Variants in UBE2E3 observed in about 807,000 individuals in gnomAD.
UBE2E3 encodes the protein ubiquitin-conjugating enzyme E2 E3.
Under a neutral mutation model 23.6 loss-of-function variants are expected in UBE2E3, and 5 were observed. The ratio of observed to expected loss-of-function variants is 0.21; its 90% confidence interval spans 0.11 to 0.44. The LOEUF (loss-of-function observed/expected upper bound fraction) is 0.44. Among genes scored for constraint, UBE2E3 ranks in the 20% least tolerant of loss-of-function variants. The pLI is 0.99. For missense variants in UBE2E3, 81 were observed against 249.8 expected, an observed-to-expected ratio of 0.32 and a Z score of 4.55; for synonymous variants, 78 against 87.5, an observed-to-expected ratio of 0.89 and a Z score of 0.60.
chr2:180,985,751 A>G (rs1456994517), intron 3 of UBE2E3, among the ~76,000 whole-genome samples: 1 of 152,158 alleles, frequency 6.6e-6, no homozygotes, highest in Non-Finnish European at 1.5e-5. Flanking sequence ...CTATCAATTC[A>G]GAACTCTTAA....
chr2:181,017,866 C>T (rs983590978), intron 3 of UBE2E3, among the ~76,000 whole-genome samples: 2 of 150,498 alleles, frequency 1.3e-5, no homozygotes, highest in Admixed American at 6.6e-5. Context: ...GAGTGATTGA[C>T]GAGGGCCCTG....
At chr2:181,006,557 A>G (rs6717911) in intron 3 of UBE2E3, among the ~76,000 whole-genome samples, 2,731 of 152,204 alleles carry the variant, frequency 0.018, 68 homozygotes, top group African/African-American at 0.062. Flanking sequence ...TGCATGTTAA[A>G]TATTAGGAAC....
At chr2:181,042,411 C>G (rs1433362287) in intron 3 of UBE2E3, among the ~76,000 whole-genome samples, 1 of 152,152 alleles carries the variant, frequency 6.6e-6, no homozygotes, top group African/African-American at 2.4e-5. Flanking sequence ...GCAATCTGTA[C>G]TAGAGTTCAA....
intron 3 of UBE2E3, among the ~76,000 whole-genome samples, chr2:181,021,978 C>G (rs1380256766): frequency 6.6e-6 from 1 of 151,974 alleles, no homozygotes; most frequent in Admixed American, 6.6e-5. Flanking sequence ...CACTTTTTTA[C>G]TGTTAAGGGT....
At chr2:181,042,068 C>T (rs1431711702) in intron 3 of UBE2E3, among the ~76,000 whole-genome samples, 13 of 152,204 alleles carry the variant, frequency 8.5e-5, no homozygotes, top group Admixed American at 7.9e-4. Context: ...TAACTAAACT[C>T]CTGGCTTTAT....
intron 3 of UBE2E3, among the ~76,000 whole-genome samples, chr2:181,005,354 C>T (rs1369359022): frequency 6.6e-6 from 1 of 152,178 alleles, no homozygotes; most frequent in Non-Finnish European, 1.5e-5. Context: ...TAATGCATTT[C>T]ATTAACTCCA....
intron 3 of UBE2E3, among the ~76,000 whole-genome samples, chr2:181,026,535 C>G (rs1685891058): frequency 6.8e-6 from 1 of 147,976 alleles, no homozygotes; most frequent in East Asian, 2.0e-4. Flanking sequence ...TTTTTAAATC[C>G]TTGATACATG....
At chr2:180,982,289 G>GT in intron 2 of UBE2E3, 53 bp downstream of exon 2, 3 of 1,547,888 alleles carry the variant, frequency 1.9e-6, no homozygotes, top group Non-Finnish European at 2.6e-6. Context: ...CTTCCAGGTG[G>GT]TTGGACGCTT....
intron 3 of UBE2E3, among the ~76,000 whole-genome samples, chr2:181,053,806 C>T (rs1287012355): frequency 2.6e-5 from 4 of 151,770 alleles, no homozygotes; most frequent in Admixed American, 6.6e-5. Context: ...TCATACCATA[C>T]AGAAAAGTTC....
At chr2:181,035,953 C>T (rs781713402) in intron 3 of UBE2E3, among the ~76,000 whole-genome samples, 2 of 152,108 alleles carry the variant, frequency 1.3e-5, no homozygotes, top group South Asian at 2.1e-4. Context: ...AAGTAAGCCT[C>T]CAATGTGGTA....
intron 3 of UBE2E3, among the ~76,000 whole-genome samples, chr2:181,006,309 T>C (rs1685146079): frequency 6.6e-6 from 1 of 152,090 alleles, no homozygotes; most frequent in Admixed American, 6.6e-5. Context: ...AGACATACTT[T>C]CACTTGTTTT....
At chr2:181,030,238 A>G (rs907030875) in intron 3 of UBE2E3, among the ~76,000 whole-genome samples, 4 of 152,092 alleles carry the variant, frequency 2.6e-5, no homozygotes, top group African/African-American at 9.7e-5. Context: ...TTTATCTACT[A>G]AAGTAATAAT....
intron 3 of UBE2E3, among the ~76,000 whole-genome samples, chr2:181,011,168 G>C (rs1241632952): frequency 6.6e-6 from 1 of 151,864 alleles, no homozygotes; most frequent in African/African-American, 2.4e-5. Context: ...TTGTGTTGTT[G>C]TAATGGAATG....
At chr2:181,053,900 T>C (rs1686915561) in intron 3 of UBE2E3, among the ~76,000 whole-genome samples, 1 of 151,902 alleles carries the variant, frequency 6.6e-6, no homozygotes, top group Admixed American at 6.6e-5. Context: ...TTTTACTGTT[T>C]CTGTAGTTTT....
chr2:181,038,287 G>A (rs62181564), intron 3 of UBE2E3, among the ~76,000 whole-genome samples: 35,325 of 152,106 alleles, frequency 0.23, 4,469 homozygotes, highest in Non-Finnish European at 0.28. Context: ...AACATACTGT[G>A]TGAGTTTGTA....
At chr2:181,009,709 A>G (rs765268650) in intron 3 of UBE2E3, among the ~76,000 whole-genome samples, 3 of 152,102 alleles carry the variant, frequency 2.0e-5, no homozygotes, top group Non-Finnish European at 4.4e-5. Context: ...TACTTAAGTG[A>G]TAATTGTGAC....
intron 5 of UBE2E3, 99 bp from the exon 6 acceptor site, chr2:181,062,692 A>G (rs960824512): frequency 2.8e-5 from 15 of 533,180 alleles, no homozygotes; most frequent in African/African-American, 2.5e-4. Context: ...ATATGAAGAT[A>G]CTGCTGAAAA....
At chr2:180,999,559 G>A (rs1684932691) in intron 3 of UBE2E3, among the ~76,000 whole-genome samples, 1 of 152,124 alleles carries the variant, frequency 6.6e-6, no homozygotes, top group Non-Finnish European at 1.5e-5. Context: ...AGCGGCGTAT[G>A]AGGGTTCCAA....
intron 3 of UBE2E3, among the ~76,000 whole-genome samples, chr2:181,008,239 A>G (rs1225314779): frequency 1.3e-5 from 2 of 152,250 alleles, no homozygotes; most frequent in African/African-American, 4.8e-5. Context: ...GAAGCTGTGC[A>G]AATAATTCTG....
Sources: allele counts gnomAD v4.1 joint callset (sites outside exome capture counted in the v4.1 genomes callset), GRCh38; gene constraint gnomAD v4.1.1; transcripts MANE v1.5; gene names NCBI Gene and HGNC (gene_info 2026-07-23, HGNC 2026-07-21).